Variants in ZNF469 observed in about 807,000 individuals in gnomAD.
ZNF469 encodes the protein zinc finger protein 469.
Under a neutral mutation model 1.0 loss-of-function variants are expected in ZNF469, and 1 was observed. That is an observed-to-expected ratio of 1.00 (90% confidence interval 0.35 to 4.73). The LOEUF is 4.73. ZNF469 is among the 30% of genes most tolerant of loss of function. The pLI, the probability that ZNF469 is intolerant of heterozygous loss-of-function variation, is 0.16. For missense variants in ZNF469, 6,100 were observed against 5,356.3 expected, an observed-to-expected ratio of 1.14 and a Z score of -4.33; for synonymous variants, 2,703 against 2,363.4, an observed-to-expected ratio of 1.14 and a Z score of -4.17.
chr16:88,172,860 T>C, the ZNF469 span, among the ~76,000 whole-genome samples: 2 of 152,140 alleles, frequency 1.3e-5, no homozygotes, highest in African/African-American at 4.8e-5. Flanking sequence ...GAAGAAAAGA[T>C]CATTGAGTCT....
chr16:88,120,036 C>T, the ZNF469 span, among the ~76,000 whole-genome samples: 1,619 of 152,308 alleles, frequency 0.011, 27 homozygotes, highest in African/African-American at 0.035. Context: ...CACACACAAC[C>T]AAGGGGCCCC....
chr16:88,130,010 T>C, the ZNF469 span, among the ~76,000 whole-genome samples: 1 of 152,196 alleles, frequency 6.6e-6, no homozygotes, highest in Non-Finnish European at 1.5e-5. Context: ...GGTCCTGTGG[T>C]GGCAGAAGTT....
the ZNF469 span, among the ~76,000 whole-genome samples, chr16:88,106,619 T>C: frequency 2.0e-5 from 3 of 152,238 alleles, no homozygotes; most frequent in African/African-American, 7.2e-5. Context: ...CCCCACTGTC[T>C]GTGGTCTTGG....
At chr16:88,362,079 T>C in the ZNF469 span, among the ~76,000 whole-genome samples, 1 of 152,268 alleles carries the variant, frequency 6.6e-6, no homozygotes, top group Non-Finnish European at 1.5e-5. Flanking sequence ...TAAATTCAGC[T>C]ACTATCGATT....
At chr16:88,236,779 A>C in the ZNF469 span, among the ~76,000 whole-genome samples, 1 of 151,894 alleles carries the variant, frequency 6.6e-6, no homozygotes, top group South Asian at 2.1e-4. Context: ...AGGCAAGAGA[A>C]TCGCTTGAAC....
At chr16:88,398,487 G>A (rs1425233802) in intron 1 of ZNF469, among the ~76,000 whole-genome samples, 1 of 151,942 alleles carries the variant, frequency 6.6e-6, no homozygotes, top group Non-Finnish European at 1.5e-5. Flanking sequence ...CGGATGAAGG[G>A]GGGCATGTGA....
the ZNF469 span, among the ~76,000 whole-genome samples, chr16:88,330,405 A>G: frequency 6.6e-6 from 1 of 152,222 alleles, no homozygotes; most frequent in African/African-American, 2.4e-5. Flanking sequence ...CTGAAAAGTC[A>G]TGCCCATTCA....
chr16:88,414,259 G>C (rs1040410282), intron 1 of ZNF469, among the ~76,000 whole-genome samples: 1 of 152,220 alleles, frequency 6.6e-6, no homozygotes, highest in Non-Finnish European at 1.5e-5. Flanking sequence ...GGTCGGACAC[G>C]GCCACAGATC....
rs1335899747 is a variant in ZNF469 at position 88,431,151 on chromosome 16, G to A, written c.3681G>A (p.Glu1227=). 5.2e-6 allele frequency: 8 copies of A among 1,550,166 alleles called. No homozygotes were observed. Among genetic ancestry groups the A allele is most frequent in the Non-Finnish European group, 7.0e-6 (8 of 1,146,976 alleles). The part of the protein sequence containing the change: ...PSLDFPQEAK[E]PETAEESAPD... ...TGGACTTTCCCCAGGAGGCCAAGGA[G>A]CCTGAAACTGCCGAAGAGTCAGCCC... The change falls in exon 3 of 3, where the codon GAG becomes GAA. Residue 1227 remains glutamate (E), a synonymous_variant. Coordinates refer to ENST00000565624, the MANE Select transcript of ZNF469 (RefSeq NM_001367624.2).
At chr16:88,139,642 C>T in the ZNF469 span, among the ~76,000 whole-genome samples, 2 of 151,076 alleles carry the variant, frequency 1.3e-5, no homozygotes, top group African/African-American at 4.9e-5. Flanking sequence ...CCTTTTTGTC[C>T]CCTGGCCTGG....
the ZNF469 span, among the ~76,000 whole-genome samples, chr16:88,113,268 T>C: frequency 1.3e-5 from 2 of 152,206 alleles, no homozygotes; most frequent in Admixed American, 1.3e-4. Flanking sequence ...TTTGGCTTGA[T>C]GTTTGTATGT....
the ZNF469 span, among the ~76,000 whole-genome samples, chr16:88,252,209 A>T: frequency 7.5e-6 from 1 of 133,160 alleles, no homozygotes; most frequent in Non-Finnish European, 1.7e-5. Context: ...TTCCCTGCTT[A>T]TTGATGGCTG....
the ZNF469 span, among the ~76,000 whole-genome samples, chr16:88,239,686 TATATATATATATATATATATATATATATA>T: frequency 5.4e-3 from 28 of 5,232 alleles, 1 homozygote; most frequent in South Asian, 0.029. Context: ...TATATATATA[TATATATATATATATATATATATATATATA>T]TTTTTTTTTT....
chr16:88,260,351 G>T, the ZNF469 span, among the ~76,000 whole-genome samples: 3 of 152,260 alleles, frequency 2.0e-5, no homozygotes, highest in African/African-American at 7.2e-5. This position sits in a 1 kb window ranked among gnomAD's most constrained non-coding sequence, Gnocchi z 4.1. Context: ...AATACGACAC[G>T]ATGTCAGGCT....
chr16:88,305,971 C>T, the ZNF469 span, among the ~76,000 whole-genome samples: 10 of 152,206 alleles, frequency 6.6e-5, no homozygotes, highest in Admixed American at 1.3e-4. Context: ...CATGTCCTTA[C>T]ACACATGCAC....
At chr16:88,360,488 C>G in the ZNF469 span, among the ~76,000 whole-genome samples, 1 of 145,610 alleles carries the variant, frequency 6.9e-6, no homozygotes, top group Non-Finnish European at 1.5e-5. Flanking sequence ...CAGACAGCGC[C>G]CGCATGCTCC....
At chr16:88,406,657 C>T (rs552073060) in intron 1 of ZNF469, among the ~76,000 whole-genome samples, 21 of 152,198 alleles carry the variant, frequency 1.4e-4, no homozygotes, top group Non-Finnish European at 2.6e-4. Context: ...CCCCTGCCTC[C>T]GAGGGCCGCA....
At chr16:88,311,250 A>G in the ZNF469 span, among the ~76,000 whole-genome samples, 1 of 152,328 alleles carries the variant, frequency 6.6e-6, no homozygotes, top group South Asian at 2.1e-4. Flanking sequence ...GATGCATCGC[A>G]GGGGACATTG....
At chr16:88,353,808 G>A in the ZNF469 span, among the ~76,000 whole-genome samples, 2 of 152,182 alleles carry the variant, frequency 1.3e-5, no homozygotes, top group Non-Finnish European at 2.9e-5. Flanking sequence ...GCGGCCACTC[G>A]CTGAGGACCG....
Sources: gnomAD v4.1 joint callset for allele counts (sites outside exome capture counted in the v4.1 genomes callset) on GRCh38, gnomAD v4.1.1 for gene constraint, Gnocchi (gnomAD v3.1) non-coding constraint, MANE v1.5 for transcripts, NCBI Gene and HGNC (gene_info 2026-07-23, HGNC 2026-07-21) for gene names.